Variants in VWA3B observed in about 807,000 individuals in gnomAD.
VWA3B encodes von Willebrand factor A domain-containing protein 3B.
In VWA3B, 138 loss-of-function variants were observed where a neutral mutation model predicts 158.3. That is an observed-to-expected ratio of 0.87 (90% CI 0.76 to 1.00). The LOEUF (loss-of-function observed/expected upper bound fraction) is 1.00, where lower values mean the gene tolerates loss of function less well. VWA3B is among the 50% of genes least tolerant of loss of function. The pLI is 0.00. For synonymous variants in VWA3B, 596 were observed against 587.3 expected, an observed-to-expected ratio of 1.01 and a Z score of -0.21; for missense variants, 1,555 against 1,565.1, an observed-to-expected ratio of 0.99 and a Z score of 0.11.
In VWA3B at chr2:98,236,687, T is replaced by C; in HGVS notation, c.2630T>C (p.Val877Ala). 2 of 1,614,232 alleles carry C rather than the reference T, an allele frequency of 1.2e-6. No homozygotes were observed. The highest frequency in any genetic ancestry group is 2.7e-5 in the African/African-American group (2 of 75,054). ...VAAVPHSSTY[V>A]PVLDKHVVSK... ...GCAGTCCCGCACAGCTCCACCTATGTTCCCGTCCTGGACAAGCATGTCGTG... is the reference window on the plus strand; with the variant it reads ...GCAGTCCCGCACAGCTCCACCTATGCTCCCGTCCTGGACAAGCATGTCGTG... The change falls in exon 19 of 28, where the codon GTT (valine) becomes GCT (alanine). Residue 877 changes from valine to alanine, a missense_variant. Transcript: ENST00000477737.
At chr2:98,102,549 C>A (rs937113393) in intron 2 of VWA3B, among the ~76,000 whole-genome samples, 34 of 152,302 alleles carry the variant, frequency 2.2e-4, no homozygotes, top group African/African-American at 7.0e-4. Context: ...GCGCTCCTCA[C>A]TTCCCAGATG....
intron 7 of VWA3B, among the ~76,000 whole-genome samples, chr2:98,160,309 ACT>A (rs1254359361): frequency 6.6e-6 from 1 of 151,904 alleles, no homozygotes; most frequent in Non-Finnish European, 1.5e-5. Flanking sequence ...TTTCTTTTTC[ACT>A]GTTTTTTTGT....
chr2:98,171,493 T>G (rs797003222), intron 8 of VWA3B, among the ~76,000 whole-genome samples: 36 of 152,144 alleles, frequency 2.4e-4, no homozygotes, highest in African/African-American at 7.7e-4. Flanking sequence ...AGAACAGCAC[T>G]TTAGAAGAAC....
chr2:98,297,336 C>A (rs1689867892), intron 23 of VWA3B, among the ~76,000 whole-genome samples: 1 of 152,154 alleles, frequency 6.6e-6, no homozygotes, highest in Non-Finnish European at 1.5e-5. Context: ...CCTGCCTCAG[C>A]CTCCCAAGGT....
At chr2:98,160,148 A>G (rs544182149) in intron 7 of VWA3B, among the ~76,000 whole-genome samples, 29 of 152,168 alleles carry the variant, frequency 1.9e-4, no homozygotes, top group Admixed American at 4.6e-4. Flanking sequence ...TCCATCCCCA[A>G]TGGGGCTCTG....
At chr2:98,137,655 A>T (rs1307164035) in intron 7 of VWA3B, among the ~76,000 whole-genome samples, 2 of 152,200 alleles carry the variant, frequency 1.3e-5, no homozygotes, top group Non-Finnish European at 2.9e-5. Context: ...TTGAACAATT[A>T]AAAAGTGTAT....
chr2:98,314,946 T>C (rs1005689635), downstream of VWA3B, among the ~76,000 whole-genome samples: 56 of 148,922 alleles, frequency 3.8e-4, no homozygotes, highest in African/African-American at 1.3e-3. Context: ...AAGAATCGCT[T>C]GAACCCAGGA....
rs191328601 is a variant in VWA3B at position 98,210,839 on chromosome 2, G to A, written c.1738-1091G>A. Reference sequence around the variant, plus strand: ...GTGTGGGTAATGTGACCCAGGCACCGTCAGTCAGAATAACCTCCTAGGCTT... The same window carrying A: ...GTGTGGGTAATGTGACCCAGGCACCATCAGTCAGAATAACCTCCTAGGCTT... On this transcript the variant is annotated intron_variant, in intron 12 of 27. Coordinates refer to ENST00000477737, the MANE Select transcript of VWA3B (RefSeq NM_144992.5). Among the ~76,000 whole-genome samples the A allele has an allele frequency of 5.3e-5, 8 of 152,308 alleles. No homozygotes were observed. In the East Asian group the frequency reaches 9.6e-4, roughly 18 times the overall value.
At chr2:98,263,957 A>T (rs1687637909) in intron 21 of VWA3B, among the ~76,000 whole-genome samples, 1 of 151,828 alleles carries the variant, frequency 6.6e-6, no homozygotes. Context: ...TTCATGATTC[A>T]GTCTTAGTAG....
At chr2:98,242,624 A>T (rs1180580722) in intron 19 of VWA3B, among the ~76,000 whole-genome samples, 2 of 150,422 alleles carry the variant, frequency 1.3e-5, no homozygotes, top group African/African-American at 4.9e-5. Flanking sequence ...TTCTGCACAT[A>T]GCTTTGTGGC....
chr2:98,114,673 C>T (rs77635695), intron 2 of VWA3B, among the ~76,000 whole-genome samples: 1,913 of 152,148 alleles, frequency 0.013, 47 homozygotes, highest in African/African-American at 0.043. Context: ...AATAATCATC[C>T]GATAAAAAAC....
At chr2:98,132,854 C>G (rs1675982937) in intron 6 of VWA3B, among the ~76,000 whole-genome samples, 1 of 152,258 alleles carries the variant, frequency 6.6e-6, no homozygotes, top group East Asian at 1.9e-4. Flanking sequence ...TTATTCCAGT[C>G]TCGCCTGAAA....
intron 7 of VWA3B, among the ~76,000 whole-genome samples, chr2:98,140,504 C>A (rs1210178009): frequency 3.9e-5 from 6 of 152,200 alleles, no homozygotes; most frequent in Non-Finnish European, 7.3e-5. Context: ...TGTTACCACT[C>A]CTGGGGCACT....
the VWA3B span, among the ~76,000 whole-genome samples, chr2:98,326,531 C>T: frequency 3.3e-5 from 5 of 151,990 alleles, no homozygotes; most frequent in Admixed American, 1.3e-4. Context: ...GAGGCTGAGG[C>T]AGGAGGATTG....
rs367593467 is a variant in VWA3B at position 98,285,785 on chromosome 2, A to G, written c.3046-4726A>G. 5.9e-5 allele frequency among the ~76,000 whole-genome samples: 9 copies of G among 152,164 alleles called. No individual in the cohort carries two copies. In the East Asian group the frequency reaches 1.7e-3, roughly 29 times the overall value. ...CAACTTCTCAATTTCTGCAACAACA[A>G]CAAAAAGAAAATCCAAAAACAAGCA... On this transcript the variant is annotated intron_variant, in intron 22 of 27. Transcript: ENST00000477737.
intron 19 of VWA3B, among the ~76,000 whole-genome samples, chr2:98,248,861 TTCTTTCTTTCTTTCTTTCTTTCTC>T (rs1298796383): frequency 0.037 from 972 of 26,158 alleles, 19 homozygotes; most frequent in African/African-American, 0.23. Context: ...CTTTCTTTCT[TTCTTTCTTTCTTTCTTTCTTTCTC>T]TCTTTCCTTT....
At chr2:98,318,586 G>A in the VWA3B span, among the ~76,000 whole-genome samples, 1 of 152,178 alleles carries the variant, frequency 6.6e-6, no homozygotes, top group Non-Finnish European at 1.5e-5. Flanking sequence ...GTTGAAGAGT[G>A]AGAGGAGGGA....
At chr2:98,188,490 C>T (rs1239244826) in intron 10 of VWA3B, among the ~76,000 whole-genome samples, 1 of 152,028 alleles carries the variant, frequency 6.6e-6, no homozygotes, top group Non-Finnish European at 1.5e-5. Context: ...ACCAACCTCC[C>T]TATCCTCTCT....
At chr2:98,173,642 A>C (rs1283527397) in intron 8 of VWA3B, among the ~76,000 whole-genome samples, 1 of 152,182 alleles carries the variant, frequency 6.6e-6, no homozygotes, top group Non-Finnish European at 1.5e-5. Flanking sequence ...GTATGGTGAA[A>C]TGTCAATGTT....
Sources: gnomAD v4.1 joint callset for allele counts (sites outside exome capture counted in the v4.1 genomes callset) on GRCh38, gnomAD v4.1.1 for gene constraint, MANE v1.5 for transcripts, NCBI Gene and HGNC (gene_info 2026-07-23, HGNC 2026-07-21) for gene names.